The following PDILT variants were observed in gnomAD, a reference collection of about 807,000 sequenced individuals.
PDILT encodes protein disulfide-isomerase-like protein of the testis.
Under a neutral mutation model 53.7 loss-of-function variants are expected in PDILT, and 43 were observed. That is an observed-to-expected ratio of 0.80 (90% CI 0.63 to 1.03). PDILT has a LOEUF of 1.03. Among genes scored for constraint, PDILT ranks in the 50% least tolerant of loss-of-function variants. The pLI is 0.00. For missense variants in PDILT, 727 were observed against 712.3 expected (o/e 1.02, Z -0.24); for synonymous variants, 282 against 274.2 (o/e 1.03, Z -0.28).
At chr16:20,368,429 C>T (rs969158785) in intron 8 of PDILT, among the ~76,000 whole-genome samples, 1 of 152,144 alleles carries the variant, frequency 6.6e-6, no homozygotes, top group Non-Finnish European at 1.5e-5. Context: ...AGCAGCCTCA[C>T]CGCTCAGCCC....
chr16:20,373,213 A>G, intron 5 of PDILT, 91 bp from the exon 6 acceptor site: 1 of 1,094,856 alleles, frequency 9.1e-7, no homozygotes. Flanking sequence ...CTCCTTGGAT[A>G]AAAGGAAAGC....
Position 20,360,609 on chromosome 16 carries a change from G to C in PDILT, c.1465C>G (p.Leu489Val), listed in dbSNP as rs777293349. 1 of 1,614,136 alleles carries C rather than the reference G, an allele frequency of 6.2e-7. No homozygotes were observed. Among genetic ancestry groups the C allele is most frequent in the Non-Finnish European group, 8.5e-7 (1 of 1,179,988 alleles). The change falls in exon 11 of 12, where the codon CTG becomes GTG. Residue 489 changes from leucine (L) to valine (V), a missense_variant. Physicochemically the swap from Leu to Val is conservative, Grantham distance 32. Transcript: ENST00000302451. ...EHTLKGFSDF[L>V]ESHIKTKIED... is the part of the protein sequence containing the mutation. Reference sequence around the variant, plus strand: ...ATCTTAGTTTTGATGTGGCTTTCCAGGAAGTCAGAGAAGCCCTTCAGGGTG... The same window carrying C: ...ATCTTAGTTTTGATGTGGCTTTCCACGAAGTCAGAGAAGCCCTTCAGGGTG...
chr16:20,369,118 C>T (rs1407415042), intron 8 of PDILT, among the ~76,000 whole-genome samples: 4 of 152,200 alleles, frequency 2.6e-5, no homozygotes, highest in African/African-American at 9.7e-5. Context: ...GCTCCATCTC[C>T]CTTCTCCTCC....
chr16:20,374,501 T>G (rs1365686015), intron 5 of PDILT, among the ~76,000 whole-genome samples: 1 of 152,060 alleles, frequency 6.6e-6, no homozygotes, highest in South Asian at 2.1e-4. Flanking sequence ...TCACTGGAGA[T>G]GGATATTTAT....
Position 20,384,758 on chromosome 16 carries a change from C to T in PDILT, c.296G>A (p.Gly99Asp). 39 of 1,614,178 alleles carry T rather than the reference C, an allele frequency of 2.4e-5. No individual in the cohort carries two copies. Among genetic ancestry groups the T allele is most frequent in the Non-Finnish European group, 3.2e-5 (38 of 1,180,032 alleles). Residue 99 changes from glycine (G) to aspartate (D), a missense_variant, in exon 3 of 12, where the codon GGC (glycine) becomes GAC (aspartate). Coordinates refer to ENST00000302451, the MANE Select transcript of PDILT (RefSeq NM_174924.2). ...CTTCTCTATGGTAATGTCCACTTTGCCAAAGCCGATCCCATTCTTGCCTTT... is the reference window on the plus strand; with the variant it reads ...CTTCTCTATGGTAATGTCCACTTTGTCAAAGCCGATCCCATTCTTGCCTTT... ...MGKGKNGIGFGKVDITIEKEL... is the reference protein window; with the variant it reads ...MGKGKNGIGFDKVDITIEKEL...
intron 9 of PDILT, among the ~76,000 whole-genome samples, chr16:20,362,954 C>T (rs745746375): frequency 2.0e-5 from 3 of 150,984 alleles, no homozygotes; most frequent in Non-Finnish European, 4.4e-5. Flanking sequence ...CACCTGTAAT[C>T]CCAGCTACTC....
intron 2 of PDILT, among the ~76,000 whole-genome samples, chr16:20,385,351 ACAG>A: frequency 6.6e-6 from 1 of 152,224 alleles, no homozygotes; most frequent in Non-Finnish European, 1.5e-5. Flanking sequence ...AAGCCCTGTG[ACAG>A]TGAGAGGTAA....
At chr16:20,403,551 A>G (rs1438804453) in intron 1 of PDILT, among the ~76,000 whole-genome samples, 1 of 152,138 alleles carries the variant, frequency 6.6e-6, no homozygotes, top group Non-Finnish European at 1.5e-5. Flanking sequence ...GGGCCTCCCA[A>G]AGTGCTGAGA....
chr16:20,365,596 G>A, intron 8 of PDILT, 56 bp from the exon 9 acceptor site: 1 of 1,583,320 alleles, frequency 6.3e-7, no homozygotes. Flanking sequence ...TGAAGTTGTG[G>A]GGCTCCCCAC....
rs754865335 is a variant in PDILT, at chr16:20,373,135, G to A, written c.682-13C>T. On this transcript the variant is annotated splice_polypyrimidine_tract_variant and intron_variant, in intron 5 of 11. Transcript: ENST00000302451. ...TCACAATTTTTCCCTTGTACAAAAGGAGAAACATATTGGAGGACAGTAGCT... is the reference window on the plus strand; with the variant it reads ...TCACAATTTTTCCCTTGTACAAAAGAAGAAACATATTGGAGGACAGTAGCT... 3.7e-6 allele frequency: 6 copies of A among 1,602,160 alleles called. No individual in the cohort carries two copies. The highest frequency in any genetic ancestry group is 5.1e-6 in the Non-Finnish European group (6 of 1,169,250).
intron 1 of PDILT, among the ~76,000 whole-genome samples, 190 bp from the exon 2 acceptor site, chr16:20,399,497 G>A (rs1194558344): frequency 6.6e-6 from 1 of 152,172 alleles, no homozygotes; most frequent in Non-Finnish European, 1.5e-5. Flanking sequence ...CTCAGGCCCA[G>A]TAGTGACTGT....
intron 1 of PDILT, among the ~76,000 whole-genome samples, chr16:20,400,021 T>C (rs1332989763): frequency 9.1e-6 from 1 of 110,156 alleles, no homozygotes; most frequent in Non-Finnish European, 1.8e-5. Flanking sequence ...TCTCTATCTA[T>C]CTATCTATCT....
chr16:20,381,710 T>A (rs946412306), intron 3 of PDILT, among the ~76,000 whole-genome samples: 1 of 150,940 alleles, frequency 6.6e-6, no homozygotes, highest in Non-Finnish European at 1.5e-5. Context: ...TGGTTACTGC[T>A]CATCCTAAAA....
At chr16:20,399,438 C>T in intron 1 of PDILT, 131 bp from the exon 2 acceptor site, 1 of 943,252 alleles carries the variant, frequency 1.1e-6, no homozygotes, top group East Asian at 2.6e-5. Context: ...CCCAGCAATG[C>T]CTGCAGCTTG....
chr16:20,398,771 T>C (rs962914303), intron 2 of PDILT, among the ~76,000 whole-genome samples: 2 of 152,166 alleles, frequency 1.3e-5, no homozygotes, highest in Non-Finnish European at 2.9e-5. Flanking sequence ...GTCATTAGGT[T>C]CACACCCATT....
At chr16:20,377,291 T>G (rs1290813583) in intron 3 of PDILT, among the ~76,000 whole-genome samples, 2 of 152,156 alleles carry the variant, frequency 1.3e-5, no homozygotes, top group South Asian at 2.1e-4. Flanking sequence ...ATAAATAAAT[T>G]TATGAGATAA....
chr16:20,389,339 TA>T (rs1966579201), intron 2 of PDILT, among the ~76,000 whole-genome samples: 1 of 152,322 alleles, frequency 6.6e-6, no homozygotes, highest in African/African-American at 2.4e-5. Context: ...GTGGGGTTAT[TA>T]ATAGATCCTA....
chr16:20,403,061 C>T (rs1226188053), intron 1 of PDILT, among the ~76,000 whole-genome samples: 5 of 152,154 alleles, frequency 3.3e-5, no homozygotes, highest in Admixed American at 6.5e-5. Context: ...TAGCCAAAAT[C>T]GAGGGGCTGG....
At chr16:20,373,865 C>T (rs113003667) in intron 5 of PDILT, among the ~76,000 whole-genome samples, 7 of 152,348 alleles carry the variant, frequency 4.6e-5, no homozygotes, top group African/African-American at 1.7e-4. Context: ...GGGAGGCTGC[C>T]TGATTCATGA....
Sources: gnomAD v4.1 joint callset for allele counts (sites outside exome capture counted in the v4.1 genomes callset) on GRCh38, gnomAD v4.1.1 for gene constraint, MANE v1.5 for transcripts, NCBI Gene and HGNC (gene_info 2026-07-23, HGNC 2026-07-21) for gene names.